NETO1: variants seen among roughly 807,000 people sequenced by gnomAD.
NETO1 encodes the protein neuropilin and tolloid-like protein 1.
NETO1 carries 26 observed loss-of-function variants against 61.3 expected under a neutral mutation model. The ratio of observed to expected loss-of-function variants is 0.42; its 90% CI spans 0.31 to 0.59. The LOEUF (loss-of-function observed/expected upper bound fraction) is 0.59. Among genes scored for constraint, NETO1 ranks in the 20% least tolerant of loss-of-function variants. The pLI is 0.12. For missense variants in NETO1, 531 were observed against 662.8 expected (o/e 0.80, Z 2.18); for synonymous variants, 225 against 225.8 (o/e 1.00, Z 0.03).
At chr18:72,866,928 C>T (rs1212814635) in intron 1 of NETO1, 2 of 468,928 alleles carry the variant, frequency 4.3e-6, no homozygotes, top group African/African-American at 2.0e-5. Flanking sequence ...ATCATCCGCG[C>T]TCTCCCGCTT....
chr18:72,769,760 C>G (rs1223945986), intron 7 of NETO1, among the ~76,000 whole-genome samples: 1 of 152,068 alleles, frequency 6.6e-6, no homozygotes, highest in Non-Finnish European at 1.5e-5. Context: ...TCGCTACTTG[C>G]TTCTAACCTC....
rs112859638 is a variant in NETO1, at chr18:72,765,626, C to T, written c.869-9479G>A. Among the ~76,000 whole-genome samples, 439 of 152,096 alleles carry T rather than the reference C, an allele frequency of 2.9e-3. 1 individual carries two copies. Among genetic ancestry groups the T allele is most frequent in the African/African-American group, 0.01 (420 of 41,508 alleles). The stretch of plus-strand genomic sequence containing the variant: ...TAGAGATGGGGTTTCATCATCTTGG[C>T]CAGGATGGTCTTGAACTTCTGGCCT... On this transcript the variant is annotated intron_variant, in intron 7 of 10. Coordinates refer to ENST00000327305, the MANE Select transcript of NETO1 (RefSeq NM_138966.5).
Position 72,744,857 on chromosome 18 carries a change from G to A in NETO1, c.*3322C>T, listed in dbSNP as rs1381527150. The A allele has an allele frequency of 6.6e-6, 1 of 152,098 alleles. No individual in the cohort carries two copies. Among genetic ancestry groups the A allele is most frequent in the Non-Finnish European group, 1.5e-5 (1 of 68,022 alleles). The allele number at this position is 152,098 out of a possible 1,614,324, so 9.4% of individuals were successfully genotyped here. ...CTTGTAATTTATTATGATATTCTGA[G>A]GTTGAGGAAAACCCATTCATGGAAT... is the stretch of plus-strand genomic sequence containing the variant. On this transcript the variant is annotated 3_prime_UTR_variant, in exon 11 of 11. Coordinates refer to ENST00000327305, the MANE Select transcript of NETO1 (RefSeq NM_138966.5).
chr18:72,785,479 T>A (rs574611113), intron 6 of NETO1, among the ~76,000 whole-genome samples: 1 of 152,288 alleles, frequency 6.6e-6, no homozygotes, highest in African/African-American at 2.4e-5. Context: ...AAGTTTACTC[T>A]AATAAAAACT....
At chr18:72,754,911 T>C (rs374534279) in intron 8 of NETO1, among the ~76,000 whole-genome samples, 4 of 152,180 alleles carry the variant, frequency 2.6e-5, no homozygotes, top group African/African-American at 7.2e-5. Flanking sequence ...CAAGTGCACA[T>C]GGGACAAACT....
intron 7 of NETO1, among the ~76,000 whole-genome samples, chr18:72,780,191 A>G (rs977390652): frequency 6.6e-6 from 1 of 152,206 alleles, no homozygotes; most frequent in African/African-American, 2.4e-5. Context: ...AACTTCCTGT[A>G]AATTTATGAG....
chr18:72,796,522 C>G (rs2072317204), intron 4 of NETO1, among the ~76,000 whole-genome samples: 1 of 152,132 alleles, frequency 6.6e-6, no homozygotes, highest in Non-Finnish European at 1.5e-5. Flanking sequence ...GGCTCTGTCG[C>G]CCAGGCTGGA....
intron 4 of NETO1, among the ~76,000 whole-genome samples, chr18:72,844,145 C>T (rs189595300): frequency 2.8e-3 from 426 of 152,210 alleles, no homozygotes; most frequent in African/African-American, 9.4e-3. Context: ...TGACATTAAC[C>T]AACCACCAAA....
chr18:72,792,440 C>T (rs73469701), intron 6 of NETO1, among the ~76,000 whole-genome samples: 3,107 of 151,858 alleles, frequency 0.02, 87 homozygotes, highest in East Asian at 0.089. Context: ...AAATAAAAAA[C>T]AACAAAAACG....
At chr18:72,795,447 G>T (rs975316473) in intron 4 of NETO1, among the ~76,000 whole-genome samples, 1 of 152,082 alleles carries the variant, frequency 6.6e-6, no homozygotes, top group Non-Finnish European at 1.5e-5. Flanking sequence ...CTGAGACATT[G>T]TATTATCTTA....
At chr18:72,799,663 A>G (rs919901553) in intron 4 of NETO1, among the ~76,000 whole-genome samples, 2 of 152,276 alleles carry the variant, frequency 1.3e-5, no homozygotes, top group African/African-American at 4.8e-5. Flanking sequence ...TATCAACCAC[A>G]TTAAAGTACA....
rs1250913624 is a variant in NETO1, at chr18:72,748,021, T to A, written c.*158A>T. 1 of 484,980 alleles carries A rather than the reference T, an allele frequency of 2.1e-6. No homozygotes were observed. The allele number at this position is 484,980 out of a possible 1,614,324, so 30.0% of individuals were successfully genotyped here. A position where few individuals can be genotyped will look rare whatever the true frequency, so the allele number is the denominator to read the frequency against. On this transcript the variant is annotated 3_prime_UTR_variant, in exon 11 of 11. Coordinates refer to ENST00000327305, the MANE Select transcript of NETO1 (RefSeq NM_138966.5). ...TGAACATATCAGTGTGCAGCGGGGA[T>A]GTCTTGCCGAAGGAATAACAAATGT...
At chr18:72,823,008 C>T (rs1213845932) in intron 4 of NETO1, among the ~76,000 whole-genome samples, 1 of 152,100 alleles carries the variant, frequency 6.6e-6, no homozygotes, top group East Asian at 1.9e-4. Flanking sequence ...TAATATTTTC[C>T]TTCAAGCATC....
chr18:72,803,550 C>A (rs1036062408), intron 4 of NETO1, among the ~76,000 whole-genome samples: 1 of 152,158 alleles, frequency 6.6e-6, no homozygotes, highest in African/African-American at 2.4e-5. Context: ...TGGCCAGGAG[C>A]GGTGGCTCAT....
intron 7 of NETO1, among the ~76,000 whole-genome samples, chr18:72,757,283 T>C (rs1348029804): frequency 6.6e-6 from 1 of 152,166 alleles, no homozygotes; most frequent in Non-Finnish European, 1.5e-5. Context: ...TACATAAGTT[T>C]TAGAGTTAGC....
chr18:72,754,573 T>A (rs2070725853), intron 8 of NETO1, among the ~76,000 whole-genome samples: 1 of 152,156 alleles, frequency 6.6e-6, no homozygotes, highest in Non-Finnish European at 1.5e-5. Flanking sequence ...AAAACTGCAC[T>A]AAACTCTAGA....
intron 4 of NETO1, among the ~76,000 whole-genome samples, chr18:72,801,303 T>A (rs571527649): frequency 1.3e-5 from 2 of 152,308 alleles, no homozygotes; most frequent in African/African-American, 4.8e-5. Flanking sequence ...TTACTAAAGT[T>A]TTTTAAATGT....
chr18:72,860,883 T>G (rs1451595933), intron 3 of NETO1, among the ~76,000 whole-genome samples: 2 of 152,224 alleles, frequency 1.3e-5, no homozygotes, highest in African/African-American at 4.8e-5. Context: ...AGCGCTTGCA[T>G]ACATTATCAT....
At chr18:72,761,554 T>G (rs2070973592) in intron 7 of NETO1, among the ~76,000 whole-genome samples, 2 of 152,156 alleles carry the variant, frequency 1.3e-5, no homozygotes, top group Non-Finnish European at 1.5e-5. Flanking sequence ...AGATCCCATC[T>G]TGGAAAAGCA....
Sources: allele counts gnomAD v4.1 joint callset (sites outside exome capture counted in the v4.1 genomes callset), GRCh38; gene constraint gnomAD v4.1.1; transcripts MANE v1.5; gene names NCBI Gene and HGNC (gene_info 2026-07-23, HGNC 2026-07-21).